PHLDB2: variants seen among roughly 807,000 people sequenced by gnomAD.
PHLDB2 encodes the protein pleckstrin homology-like domain family B member 2.
In PHLDB2, 71 loss-of-function variants were observed where a neutral mutation model predicts 123.6. The ratio of observed to expected loss-of-function variants is 0.57; its 90% CI spans 0.47 to 0.70. The LOEUF (loss-of-function observed/expected upper bound fraction) is 0.70. Ranked by LOEUF, PHLDB2 falls within the 30% of genes least tolerant of loss-of-function variation. PHLDB2 has a pLI of 0.00. For synonymous variants in PHLDB2, 547 were observed against 541.6 expected, an observed-to-expected ratio of 1.01 and a Z score of -0.14; for missense variants, 1,446 against 1,519.5, an observed-to-expected ratio of 0.95 and a Z score of 0.80.
intron 1 of PHLDB2, among the ~76,000 whole-genome samples, chr3:111,783,549 C>T (rs1197180258): frequency 6.6e-6 from 1 of 152,088 alleles, no homozygotes; most frequent in East Asian, 1.9e-4. Flanking sequence ...GTGTTCAAAT[C>T]TCCAGGTCCA....
At chr3:111,867,092 C>A (rs2065126875) in intron 1 of PHLDB2, among the ~76,000 whole-genome samples, 1 of 152,034 alleles carries the variant, frequency 6.6e-6, no homozygotes, top group African/African-American at 2.4e-5. Context: ...CGTTATCTTG[C>A]AAATATCTTA....
At chr3:111,752,230 G>A (rs2059790512) in intron 1 of PHLDB2, among the ~76,000 whole-genome samples, 1 of 143,164 alleles carries the variant, frequency 7.0e-6, no homozygotes, top group Non-Finnish European at 1.5e-5. Context: ...GTGTGTGTGT[G>A]TGTGTGTGTG....
intron 2 of PHLDB2, among the ~76,000 whole-genome samples, chr3:111,889,511 G>A (rs1283006): frequency 0.019 from 2,849 of 152,022 alleles, 91 homozygotes; most frequent in African/African-American, 0.065. Context: ...AGACCAGCCC[G>A]GGCAACATGG....
At chr3:111,845,412 AAT>A (rs1189464756) in intron 1 of PHLDB2, among the ~76,000 whole-genome samples, 1 of 151,116 alleles carries the variant, frequency 6.6e-6, no homozygotes, top group Non-Finnish European at 1.5e-5. Context: ...AAGTAGAAGA[AAT>A]AGTAAAGACA....
At chr3:111,873,119 T>C (rs1165431464) in intron 1 of PHLDB2, among the ~76,000 whole-genome samples, 1 of 152,204 alleles carries the variant, frequency 6.6e-6, no homozygotes, top group Non-Finnish European at 1.5e-5. Flanking sequence ...GGTGCATGGC[T>C]GTTTCTAAGA....
rs146900812 is a variant in PHLDB2, at chr3:111,848,913, A to G, written c.67+2978A>G. Among the ~76,000 whole-genome samples, 349 of 152,344 alleles carry G rather than the reference A, an allele frequency of 2.3e-3. 1 individual carries two copies. The highest frequency in any genetic ancestry group is 7.0e-3 in the African/African-American group (291 of 41,568). On this transcript the variant is annotated intron_variant, in intron 2 of 17. Transcript: ENST00000393923. Reference sequence around the variant, plus strand: ...GCTATGCCATTCTTATGGTTATGCCATATAGACTGGGTGTGTAACAGACTA... The same window carrying G: ...GCTATGCCATTCTTATGGTTATGCCGTATAGACTGGGTGTGTAACAGACTA...
intron 1 of PHLDB2, among the ~76,000 whole-genome samples, chr3:111,765,848 A>C (rs144118214): frequency 0.012 from 1,772 of 152,172 alleles, 15 homozygotes; most frequent in Non-Finnish European, 0.019. Flanking sequence ...AATAATGTAG[A>C]TTTACTTTAA....
In PHLDB2 at chr3:111,867,248, C is replaced by G. The variant is rs114457944; in HGVS notation, c.-15+7672C>G. Among the ~76,000 whole-genome samples the G allele has an allele frequency of 5.1e-3, 780 of 152,074 alleles. 9 individuals carry two copies. The highest frequency in any genetic ancestry group is 0.017 in the African/African-American group (723 of 41,468). On this transcript the variant is annotated intron_variant, in intron 1 of 17. Transcript: ENST00000431670. ...ATTTTATACTTAAAAAAAAAATCAG[C>G]TAGGAGCCAGTGATATGACCCCAAC...
At chr3:111,861,836 C>A (rs1282994) in intron 1 of PHLDB2, among the ~76,000 whole-genome samples, 152,306 of 152,342 alleles carry the variant, frequency 1, 76,135 homozygotes, top group Non-Finnish European at 1. Flanking sequence ...TCTGGTTTTC[C>A]CTATTTTCTT....
At chr3:111,893,100 C>CCG (rs540023619) in intron 2 of PHLDB2, among the ~76,000 whole-genome samples, 5 of 151,888 alleles carry the variant, frequency 3.3e-5, no homozygotes, top group Admixed American at 6.6e-5. Context: ...GACCACCCCC[C>CCG]CAAAATAAGT....
At chr3:111,763,986 A>G (rs2060037128) in intron 1 of PHLDB2, among the ~76,000 whole-genome samples, 1 of 152,228 alleles carries the variant, frequency 6.6e-6, no homozygotes, top group Non-Finnish European at 1.5e-5. Context: ...TGTTTGCTCA[A>G]GAAAATATAA....
Position 111,953,962 on chromosome 3 carries a change from TGGAA to T in PHLDB2, c.2807_2810del (p.Gly936ValfsTer28). 1.2e-6 allele frequency: 2 copies of T among 1,613,654 alleles called. No homozygotes were observed. Among genetic ancestry groups the T allele is most frequent in the Non-Finnish European group, 1.7e-6 (2 of 1,179,778 alleles). ...TGCCCCTAGGACAGAGTAACAGCTG[TGGAA>T]GTGTGCTCCCTCCCTCACTGGCAGC... On this transcript the variant is annotated frameshift_variant, in exon 12 of 18. Coordinates refer to ENST00000431670, the MANE Select transcript of PHLDB2 (RefSeq NM_001134438.2). LOFTEE classifies it high-confidence loss of function.
At chr3:111,742,470 C>G (rs1200380990) in intron 1 of PHLDB2, among the ~76,000 whole-genome samples, 1 of 152,068 alleles carries the variant, frequency 6.6e-6, no homozygotes, top group Non-Finnish European at 1.5e-5. Flanking sequence ...CTCCCCCCAC[C>G]CCACAACAGG....
intron 1 of PHLDB2, among the ~76,000 whole-genome samples, chr3:111,808,231 G>C (rs1269425494): frequency 1.3e-5 from 2 of 152,132 alleles, no homozygotes; most frequent in African/African-American, 4.8e-5. Context: ...ACTGTCTTTA[G>C]AGTATGCCAC....
intron 1 of PHLDB2, among the ~76,000 whole-genome samples, chr3:111,830,965 G>GAAAGAAAGAA: frequency 2.1e-5 from 1 of 48,440 alleles, no homozygotes; most frequent in East Asian, 3.5e-4. Context: ...GAGAAAGAAA[G>GAAAGAAAGAA]AAAGAAAGAA....
intron 16 of PHLDB2, among the ~76,000 whole-genome samples, chr3:111,972,879 T>G (rs146022333): frequency 1.5e-3 from 232 of 152,282 alleles, no homozygotes; most frequent in African/African-American, 4.8e-3. Flanking sequence ...TGGAATTGCT[T>G]AGTAAGAGGA....
chr3:111,747,560 A>G (rs2059700149), intron 1 of PHLDB2, among the ~76,000 whole-genome samples: 1 of 152,158 alleles, frequency 6.6e-6, no homozygotes, highest in Admixed American at 6.5e-5. Flanking sequence ...TGGCTCACCC[A>G]TAAAGTTGGC....
chr3:111,830,236 T>A (rs1204183584), intron 1 of PHLDB2, among the ~76,000 whole-genome samples: 1 of 152,144 alleles, frequency 6.6e-6, no homozygotes, highest in African/African-American at 2.4e-5. Flanking sequence ...TAAAGTAATT[T>A]CTAAAGGTAC....
chr3:111,867,728 G>T (rs1261632856), intron 1 of PHLDB2, among the ~76,000 whole-genome samples: 1 of 151,780 alleles, frequency 6.6e-6, no homozygotes, highest in Non-Finnish European at 1.5e-5. Context: ...TTGAGATAGG[G>T]TCTTGCTCTG....
Sources: allele counts gnomAD v4.1 joint callset (sites outside exome capture counted in the v4.1 genomes callset), GRCh38; gene constraint gnomAD v4.1.1; transcripts MANE v1.5; gene names NCBI Gene and HGNC (gene_info 2026-07-23, HGNC 2026-07-21).